Variants in ZNF704 observed in about 807,000 individuals in gnomAD.
ZNF704 encodes the protein zinc finger protein 704.
Under a neutral mutation model 44.7 loss-of-function variants are expected in ZNF704, and 10 were observed. The observed-to-expected ratio is 0.22, with a 90% confidence interval of 0.14 to 0.38. ZNF704 has a LOEUF of 0.38. Ranked by LOEUF, ZNF704 falls within the 10% of genes least tolerant of loss-of-function variation. The probability of loss-of-function intolerance (pLI) is 1.00; values close to 1 mark genes in which losing one functional copy is unlikely to be tolerated. For missense variants in ZNF704, 390 were observed against 545.5 expected (o/e 0.71, Z 2.84); for synonymous variants, 211 against 207.6 (o/e 1.02, Z -0.14).
chr8:80,764,246 A>C (rs1447771049), intron 2 of ZNF704, among the ~76,000 whole-genome samples: 2 of 152,224 alleles, frequency 1.3e-5, no homozygotes, highest in African/African-American at 4.8e-5. Context: ...CTATAAAGAA[A>C]TAACGGAGAC....
chr8:80,835,703 G>A (rs528951959), intron 1 of ZNF704, among the ~76,000 whole-genome samples: 16 of 152,254 alleles, frequency 1.1e-4, no homozygotes, highest in South Asian at 8.3e-4. Context: ...AATTTTTTCC[G>A]TTTGGCATAG....
At chr8:80,828,466 C>T (rs1808416878) in intron 1 of ZNF704, among the ~76,000 whole-genome samples, 1 of 152,162 alleles carries the variant, frequency 6.6e-6, no homozygotes, top group South Asian at 2.1e-4. Context: ...AATCTGGAGC[C>T]TCACTAATCA....
intron 2 of ZNF704, among the ~76,000 whole-genome samples, chr8:80,709,094 G>C (rs768040754): frequency 1.2e-4 from 19 of 152,012 alleles, no homozygotes; most frequent in Admixed American, 1.2e-3. Flanking sequence ...TTCTATGAAG[G>C]TTCATCTACC....
At chr8:80,879,442 A>G (rs1366206053), upstream of ZNF704, among the ~76,000 whole-genome samples, 1 of 152,028 alleles carries the variant, frequency 6.6e-6, no homozygotes, top group Non-Finnish European at 1.5e-5. Flanking sequence ...TAGTAGAAGC[A>G]GGGTTTCACT....
intron 2 of ZNF704, among the ~76,000 whole-genome samples, chr8:80,797,150 TATGA>T (rs926486204): frequency 3.9e-5 from 6 of 152,176 alleles, no homozygotes; most frequent in African/African-American, 1.4e-4. Flanking sequence ...TGTATACTGG[TATGA>T]GGGTTGGGGC....
chr8:80,753,242 CT>C (rs1806978374), intron 2 of ZNF704, among the ~76,000 whole-genome samples: 1 of 152,174 alleles, frequency 6.6e-6, no homozygotes, highest in South Asian at 2.1e-4. Context: ...GCCCAGGCTC[CT>C]GTTTCTAAAC....
the ZNF704 span, among the ~76,000 whole-genome samples, chr8:80,881,944 A>T: frequency 2.0e-5 from 3 of 152,276 alleles, no homozygotes; most frequent in South Asian, 2.1e-4. Context: ...AATAACAATT[A>T]AAAAAAGTGT....
At chr8:80,736,110 A>G (rs912967232) in intron 2 of ZNF704, among the ~76,000 whole-genome samples, 1 of 152,236 alleles carries the variant, frequency 6.6e-6, no homozygotes, top group Non-Finnish European at 1.5e-5. Flanking sequence ...AATTTTCTTC[A>G]AAGAAGGCTA....
upstream of ZNF704, among the ~76,000 whole-genome samples, chr8:80,877,185 GAAAAAAAAAAAAAAAAA>G (rs5892744): frequency 5.0e-5 from 3 of 59,724 alleles, no homozygotes; most frequent in East Asian, 6.0e-4. Context: ...CTCTGAATGG[GAAAAAAAAAAAAAAAAA>G]AAAAAAAAAA....
upstream of ZNF704, among the ~76,000 whole-genome samples, chr8:80,876,726 G>A (rs1809361172): frequency 6.6e-6 from 1 of 152,202 alleles, no homozygotes. Context: ...CAGCTTACAA[G>A]AGTGCCTGGG....
intron 2 of ZNF704, among the ~76,000 whole-genome samples, chr8:80,757,533 T>A (rs1807056570): frequency 6.6e-6 from 1 of 152,088 alleles, no homozygotes; most frequent in Non-Finnish European, 1.5e-5. Flanking sequence ...GAAGAAATTT[T>A]AAAAAATAAA....
At position 80,693,004 on chromosome 8, in the gene ZNF704, C is replaced by T. The variant is rs760453375; in HGVS notation, c.325G>A (p.Glu109Lys). The T allele has an allele frequency of 2.5e-6, 4 of 1,614,006 alleles. No individual in the cohort carries two copies. Among genetic ancestry groups the T allele is most frequent in the South Asian group, 1.1e-5 (1 of 91,064 alleles). Residue 109 changes from glutamate (E) to lysine (K), a missense_variant and splice_region_variant, in exon 3 of 9, where the codon GAG becomes AAG. Physicochemically the swap from Glu to Lys is moderately conservative, Grantham distance 56. Around this residue, in one of 3 missense-constraint regions of ZNF704, gnomAD observed 305 missense variants for 435.7 expected, o/e 0.70. Transcript: ENST00000327835. The stretch of plus-strand genomic sequence containing the variant: ...CCTAAGTCCCATATCCTGGGCTTAC[C>T]GTTCGGCCGCACGGGAGGACTTCGA... ...LVRSPPVRPN[E>K]SLSGSWKEGG...
intron 1 of ZNF704, among the ~76,000 whole-genome samples, chr8:80,822,774 G>A (rs987111597): frequency 9.9e-5 from 15 of 152,108 alleles, no homozygotes; most frequent in African/African-American, 3.6e-4. Flanking sequence ...TTGTGGTTTC[G>A]ATTTGCATTT....
chr8:80,798,250 G>C (rs562650367), intron 2 of ZNF704, among the ~76,000 whole-genome samples: 11 of 151,218 alleles, frequency 7.3e-5, no homozygotes, highest in African/African-American at 2.7e-4. Context: ...ATGGCCTTTA[G>C]TGTCCATATT....
At chr8:80,768,567 T>G (rs1171577244) in intron 2 of ZNF704, among the ~76,000 whole-genome samples, 2 of 152,198 alleles carry the variant, frequency 1.3e-5, no homozygotes, top group Non-Finnish European at 2.9e-5. Context: ...TCTCACACTT[T>G]TAATGAGAAG....
At position 80,635,020 on chromosome 8, in the gene ZNF704, AT is replaced by A. The variant is rs1817644738; in HGVS notation, c.*6345del. 1 of 152,212 alleles carries A rather than the reference AT, an allele frequency of 6.6e-6. No individual in the cohort carries two copies. Among genetic ancestry groups the A allele is most frequent in the Non-Finnish European group, 1.5e-5 (1 of 68,038 alleles). 9.4% of individuals were successfully genotyped at this position (152,212 alleles called of 1,614,324 possible). ...CTCAAGTGTGCAGATTCTAAAGCCT[AT>A]TTGAAACCAAGGTCTGAGTGACCTT... On this transcript the variant is annotated 3_prime_UTR_variant, in exon 9 of 9. Coordinates refer to ENST00000327835, the MANE Select transcript of ZNF704 (RefSeq NM_001033723.3).
intron 1 of ZNF704, among the ~76,000 whole-genome samples, chr8:80,837,607 C>T (rs1186417228): frequency 1.3e-5 from 2 of 152,142 alleles, no homozygotes; most frequent in Admixed American, 1.3e-4. Context: ...CTATGGATCA[C>T]AGGAAATCCA....
chr8:80,826,181 C>A (rs1808371280), intron 1 of ZNF704, among the ~76,000 whole-genome samples: 1 of 152,006 alleles, frequency 6.6e-6, no homozygotes, highest in Admixed American at 6.5e-5. Context: ...AGACCACTAG[C>A]AAGACTAACA....
Position 80,675,955 on chromosome 8 carries a change from A to G in ZNF704, c.559-5352T>C, listed in dbSNP as rs114978933. Among the ~76,000 whole-genome samples, 666 of 152,290 alleles carry G rather than the reference A, an allele frequency of 4.4e-3. 5 individuals are homozygous for G. Among genetic ancestry groups the G allele is most frequent in the African/African-American group, 0.015 (640 of 41,554 alleles). On this transcript the variant is annotated intron_variant, in intron 4 of 8. Transcript: ENST00000327835. ...TGATTAGGGTGCACTGCAGCATCCA[A>G]TATTTTATGTTGGAGATTGAGAAGG...
Sources: allele counts gnomAD v4.1 joint callset (sites outside exome capture counted in the v4.1 genomes callset), GRCh38; gene constraint gnomAD v4.1.1; regional missense constraint gnomAD v4.1.1; transcripts MANE v1.5; gene names NCBI Gene and HGNC (gene_info 2026-07-23, HGNC 2026-07-21).